Variants in RNF212B observed in about 807,000 individuals in gnomAD.
The protein encoded by RNF212B is ring finger protein 212B, also known as E3 ubiquitin-protein ligase RNF212B.
Under a neutral mutation model 55.5 loss-of-function variants are expected in RNF212B, and 52 were observed. The observed-to-expected ratio is 0.94, with a 90% CI of 0.75 to 1.18. The LOEUF is 1.18. Among genes scored for constraint, RNF212B ranks in the 50% most tolerant of loss-of-function variants. The pLI is 0.00. For synonymous variants in RNF212B, 99 were observed against 121.4 expected (o/e 0.82, Z 1.21); for missense variants, 289 against 350.4 (o/e 0.82, Z 1.40).
chr14:23,258,519 G>T (rs1885029753), intron 4 of RNF212B, 30 bp from the exon 5 acceptor site: 1 of 1,086,050 alleles, frequency 9.2e-7, no homozygotes, highest in Non-Finnish European at 1.3e-6. Flanking sequence ...TTATGGGAGA[G>T]TATGTCAAAG....
At chr14:23,217,804 C>T (rs988609494) in intron 2 of RNF212B, among the ~76,000 whole-genome samples, 14 of 152,032 alleles carry the variant, frequency 9.2e-5, no homozygotes, top group African/African-American at 3.1e-4. Context: ...ACTATAATAA[C>T]GAACTCACCA....
rs1883480062 is a variant in RNF212B at position 23,240,350 on chromosome 14, A to T, written c.5A>T (p.Asp2Val). The T allele has an allele frequency of 1.3e-6, 2 of 1,546,264 alleles. No individual in the cohort carries two copies. MDWFHCNQCFRK... is the reference protein window; with the variant it reads MVWFHCNQCFRK... ...TTTCTCTTTATCTGCTCCAGAATGG[A>T]TTGGTTTCATTGCAACCAGTGCTTC... is the stretch of plus-strand genomic sequence containing the variant. The change falls in exon 2 of 15, where the codon GAT becomes GTT. Residue 2 changes from aspartate (D) to valine (V), a missense_variant. Coordinates refer to ENST00000430154, the MANE Select transcript of RNF212B (RefSeq NM_001282322.3).
chr14:23,260,086 T>C (rs188764870), intron 6 of RNF212B, 142 bp downstream of exon 6: 7 of 526,094 alleles, frequency 1.3e-5, no homozygotes, highest in Admixed American at 7.5e-5. Context: ...AAGCACACTA[T>C]AGTAAATGGA....
At chr14:23,252,091 T>A (rs765481079) in intron 4 of RNF212B, among the ~76,000 whole-genome samples, 13 of 143,120 alleles carry the variant, frequency 9.1e-5, no homozygotes, top group Non-Finnish European at 1.8e-4. Context: ...TGTCAGGGGT[T>A]GGGGGGCGTG....
At chr14:23,225,737 T>C (rs1881945154) in intron 2 of RNF212B, among the ~76,000 whole-genome samples, 1 of 152,104 alleles carries the variant, frequency 6.6e-6, no homozygotes, top group South Asian at 2.1e-4. Context: ...TAAGACCTAG[T>C]ATTTGATAGC....
At chr14:23,252,193 G>A (rs991044134) in intron 4 of RNF212B, among the ~76,000 whole-genome samples, 2 of 152,028 alleles carry the variant, frequency 1.3e-5, no homozygotes, top group Non-Finnish European at 2.9e-5. Flanking sequence ...CCCACCAAGA[G>A]TCACCTCATT....
chr14:23,266,418 T>TTTTTTTTTTTTTTTTTTTTG (rs1885704437), intron 11 of RNF212B, among the ~76,000 whole-genome samples: 1 of 143,460 alleles, frequency 7.0e-6, no homozygotes, highest in East Asian at 2.0e-4. Context: ...TTTTTTTTTT[T>TTTTTTTTTTTTTTTTTTTTG]TTTTTTTTTT....
intron 7 of RNF212B, 64 bp from the exon 8 acceptor site, chr14:23,262,601 T>TC: frequency 7.3e-7 from 1 of 1,368,618 alleles, no homozygotes; most frequent in South Asian, 1.3e-5. Context: ...TGATTGATCC[T>TC]CTAAAGTGGC....
At chr14:23,200,988 A>C (rs944831116) in intron 2 of RNF212B, among the ~76,000 whole-genome samples, 1 of 152,246 alleles carries the variant, frequency 6.6e-6, no homozygotes, top group African/African-American at 2.4e-5. Flanking sequence ...AATATGCTCC[A>C]AATTTTGTTC....
At chr14:23,210,856 T>C (rs1880441525) in intron 2 of RNF212B, among the ~76,000 whole-genome samples, 1 of 149,976 alleles carries the variant, frequency 6.7e-6, no homozygotes, top group African/African-American at 2.5e-5. Flanking sequence ...CCAGGAACTC[T>C]CTGTACTACC....
In RNF212B at chr14:23,273,124, C is replaced by T. The variant is rs916611844; in HGVS notation, c.*233C>T. On this transcript the variant is annotated 3_prime_UTR_variant, in exon 15 of 15. Transcript: ENST00000430154. The stretch of plus-strand genomic sequence containing the variant: ...AGATGTTTATATCTCTTCCAGAAGA[C>T]ACTGGTAGCTCCCCTCATTTCCTAC... 1 of 365,854 alleles carries T rather than the reference C, an allele frequency of 2.7e-6. No homozygotes were observed. Among genetic ancestry groups the T allele is most frequent in the Non-Finnish European group, 4.9e-6 (1 of 203,666 alleles). 22.7% of individuals were successfully genotyped at this position (365,854 alleles called of 1,614,324 possible).
At chr14:23,266,465 G>A (rs1167645896) in intron 11 of RNF212B, among the ~76,000 whole-genome samples, 2 of 133,588 alleles carry the variant, frequency 1.5e-5, no homozygotes, top group African/African-American at 2.9e-5. Flanking sequence ...AGGCTGGAGT[G>A]CAGTGGTGCA....
intron 2 of RNF212B, among the ~76,000 whole-genome samples, chr14:23,214,679 A>G (rs978874241): frequency 6.6e-6 from 1 of 151,900 alleles, no homozygotes; most frequent in Admixed American, 6.6e-5. Context: ...AAATAATAAT[A>G]ATAATAATCA....
intron 2 of RNF212B, among the ~76,000 whole-genome samples, chr14:23,208,362 T>C (rs1021618881): frequency 6.6e-6 from 1 of 152,102 alleles, no homozygotes; most frequent in African/African-American, 2.4e-5. Flanking sequence ...TCCAGAGTGA[T>C]GGTGTGTGCC....
At chr14:23,270,751 C>T (rs974224936) in intron 14 of RNF212B, 90 bp downstream of exon 14, 31 of 815,814 alleles carry the variant, frequency 3.8e-5, no homozygotes, top group Non-Finnish European at 6.0e-5. Context: ...GGAATATAAC[C>T]AGTGAAGAAC....
chr14:23,194,975 C>T (rs1321254540), intron 2 of RNF212B, among the ~76,000 whole-genome samples: 2 of 151,996 alleles, frequency 1.3e-5, no homozygotes, highest in Non-Finnish European at 2.9e-5. Flanking sequence ...CATACAGCAT[C>T]ACACAGATTC....
chr14:23,196,186 A>G (rs1282430216), intron 2 of RNF212B, among the ~76,000 whole-genome samples: 1 of 152,166 alleles, frequency 6.6e-6, no homozygotes, highest in East Asian at 1.9e-4. Flanking sequence ...GCCACCATGG[A>G]AAAGTGCCTT....
chr14:23,250,940 T>G (rs1465183128), intron 4 of RNF212B, among the ~76,000 whole-genome samples: 3 of 152,190 alleles, frequency 2.0e-5, no homozygotes, highest in South Asian at 2.1e-4. Flanking sequence ...CAGATATGCA[T>G]GTATCTCAGT....
At chr14:23,272,621 A>T in intron 14 of RNF212B, 1 of 593,262 alleles carries the variant, frequency 1.7e-6, no homozygotes, top group Non-Finnish European at 3.0e-6. Flanking sequence ...ACCATAAGCT[A>T]CTGAAATGTT....
Sources: allele counts gnomAD v4.1 joint callset (sites outside exome capture counted in the v4.1 genomes callset), GRCh38; gene constraint gnomAD v4.1.1; transcripts MANE v1.5; gene names NCBI Gene and HGNC (gene_info 2026-07-23, HGNC 2026-07-21).